Variants in CNTN4 observed in about 807,000 individuals in gnomAD.
CNTN4 encodes the protein contactin 4, also known as contactin-4.
CNTN4 carries 77 observed loss-of-function variants against 122.5 expected under a neutral mutation model. The observed-to-expected ratio is 0.63, with a 90% CI of 0.52 to 0.76. The LOEUF (loss-of-function observed/expected upper bound fraction) is 0.76, where lower values mean the gene tolerates loss of function less well. Among genes scored for constraint, CNTN4 ranks in the 30% least tolerant of loss-of-function variants. The pLI, the probability that CNTN4 is intolerant of heterozygous loss-of-function variation, is 0.00. For synonymous variants in CNTN4, 512 were observed against 447.0 expected (o/e 1.15, Z -1.83); for missense variants, 1,256 against 1,259.1 (o/e 1.00, Z 0.04).
chr3:2,707,188 C>T (rs1285225171), intron 4 of CNTN4, among the ~76,000 whole-genome samples: 1 of 151,782 alleles, frequency 6.6e-6, no homozygotes, highest in Non-Finnish European at 1.5e-5. Context: ...TGCCTGTAGT[C>T]CCAGCTACTC....
chr3:2,480,608 G>T (rs2075963555), intron 3 of CNTN4, among the ~76,000 whole-genome samples: 1 of 152,132 alleles, frequency 6.6e-6, no homozygotes, highest in Non-Finnish European at 1.5e-5. Context: ...TCTGATAAAA[G>T]AACTAAATAA....
Position 2,117,515 on chromosome 3 carries a change from T to C in CNTN4, c.-145+16876T>C, listed in dbSNP as rs192317603. Among the ~76,000 whole-genome samples, 326 of 152,330 alleles carry C rather than the reference T, an allele frequency of 2.1e-3. 2 individuals are homozygous for C. Among genetic ancestry groups the C allele is most frequent in the Middle Eastern group, 3.4e-3 (1 of 294 alleles). On this transcript the variant is annotated intron_variant, in intron 2 of 24. Coordinates refer to ENST00000418658, the MANE Select transcript of CNTN4 (RefSeq NM_175607.3). ...GATCAACCTCACCCTCAGTCCCTCT[T>C]TCCTTCCAGGAGGTTGGGGGAGGGG...
At chr3:2,944,042 T>G (rs2094646441) in intron 13 of CNTN4, among the ~76,000 whole-genome samples, 1 of 152,064 alleles carries the variant, frequency 6.6e-6, no homozygotes, top group Admixed American at 6.6e-5. Flanking sequence ...AAAATAAAAA[T>G]AAAAATCCAT....
intron 3 of CNTN4, among the ~76,000 whole-genome samples, chr3:2,464,510 G>T (rs1300063067): frequency 6.6e-6 from 1 of 152,142 alleles, no homozygotes; most frequent in African/African-American, 2.4e-5. Flanking sequence ...ATATAGATGG[G>T]GAAACAGAGG....
intron 4 of CNTN4, among the ~76,000 whole-genome samples, chr3:2,624,348 T>A (rs1363193984): frequency 1.3e-5 from 2 of 152,174 alleles, no homozygotes; most frequent in African/African-American, 2.4e-5. Context: ...TTTAAGAATT[T>A]AATTTTTAGA....
chr3:2,854,514 C>T (rs1158330976), intron 7 of CNTN4, among the ~76,000 whole-genome samples: 1 of 152,022 alleles, frequency 6.6e-6, no homozygotes, highest in Non-Finnish European at 1.5e-5. Flanking sequence ...CTCAAGTGAT[C>T]CGCCTGCCTC....
In CNTN4 at chr3:2,748,057, A is replaced by T. The variant is rs75688284; in HGVS notation, c.358+2360A>T. Reference sequence around the variant, plus strand: ...CATCTTCTTCACAACACACTCAATTATGTTAATTCATCTATTGCAGCCTTA... The same window carrying T: ...CATCTTCTTCACAACACACTCAATTTTGTTAATTCATCTATTGCAGCCTTA... On this transcript the variant is annotated intron_variant, in intron 6 of 24. Transcript: ENST00000418658. 7.7e-3 allele frequency among the ~76,000 whole-genome samples: 1,171 copies of T among 152,314 alleles called. 18 individuals carry two copies. Among genetic ancestry groups the T allele is most frequent in the African/African-American group, 0.027 (1,110 of 41,568 alleles).
At chr3:3,008,088 T>G (rs1696830200) in intron 14 of CNTN4, among the ~76,000 whole-genome samples, 1 of 152,188 alleles carries the variant, frequency 6.6e-6, no homozygotes, top group Admixed American at 6.5e-5. Flanking sequence ...TATTCAGCCA[T>G]GTAGAGAATG....
chr3:2,585,929 T>G (rs1358897349), intron 4 of CNTN4, among the ~76,000 whole-genome samples: 1 of 151,592 alleles, frequency 6.6e-6, no homozygotes, highest in East Asian at 1.9e-4. Flanking sequence ...CTAGGAATGA[T>G]GTAACTAGAA....
intron 2 of CNTN4, among the ~76,000 whole-genome samples, chr3:2,276,025 A>C (rs894937780): frequency 7.9e-5 from 12 of 151,976 alleles, no homozygotes; most frequent in African/African-American, 2.9e-4. Context: ...TGAAATTAAT[A>C]ATTTCAAAAA....
At chr3:2,774,881 G>A (rs1227492422) in intron 6 of CNTN4, among the ~76,000 whole-genome samples, 2 of 152,182 alleles carry the variant, frequency 1.3e-5, no homozygotes, top group Non-Finnish European at 2.9e-5. Flanking sequence ...TTACAAAATA[G>A]CCTGTTGTAC....
At chr3:2,161,201 C>A (rs550007642) in intron 2 of CNTN4, among the ~76,000 whole-genome samples, 2 of 151,896 alleles carry the variant, frequency 1.3e-5, no homozygotes, top group East Asian at 3.9e-4. Flanking sequence ...GTCATTGTGG[C>A]TGAAGCAAGG....
At chr3:2,651,698 TC>T (rs1206309730) in intron 4 of CNTN4, among the ~76,000 whole-genome samples, 1 of 144,910 alleles carries the variant, frequency 6.9e-6, no homozygotes, top group Non-Finnish European at 1.5e-5. Context: ...CAATTTTTTT[TC>T]TTTTTTTTCT....
intron 8 of CNTN4, among the ~76,000 whole-genome samples, chr3:2,869,172 C>T (rs2093757539): frequency 6.6e-6 from 1 of 152,054 alleles, no homozygotes. Context: ...AGCGAGAAGC[C>T]GTTAGCGAAT....
At chr3:2,756,461 C>T (rs1263726939) in intron 6 of CNTN4, among the ~76,000 whole-genome samples, 2 of 152,200 alleles carry the variant, frequency 1.3e-5, no homozygotes, top group Non-Finnish European at 2.9e-5. Flanking sequence ...TCTTGGACTT[C>T]CCAGCCTCCA....
intron 2 of CNTN4, among the ~76,000 whole-genome samples, chr3:2,134,931 T>C (rs1349922273): frequency 1.3e-5 from 2 of 152,126 alleles, no homozygotes; most frequent in Admixed American, 6.6e-5. Context: ...ATCCAAAATA[T>C]CCTCACAGAC....
rs1022031450 is a variant in CNTN4 at position 2,504,530 on chromosome 3, G to A, written c.-88-66886G>A. On this transcript the variant is annotated intron_variant, in intron 3 of 24. Coordinates refer to ENST00000418658, the MANE Select transcript of CNTN4 (RefSeq NM_175607.3). ...TTAATTATACAGATTATCAATATACGGGTATTTTCTAACCATTCTTATAAC... is the reference window on the plus strand; with the variant it reads ...TTAATTATACAGATTATCAATATACAGGTATTTTCTAACCATTCTTATAAC... Among the ~76,000 whole-genome samples the A allele has an allele frequency of 1.4e-4, 21 of 152,180 alleles. 1 individual carries two copies. Among genetic ancestry groups the A allele is most frequent in the Middle Eastern group, 6.8e-3 (2 of 294 alleles).
rs146884696 is a variant in CNTN4 at position 2,580,134 on chromosome 3, G to A, written c.55+8576G>A. 4.6e-5 allele frequency among the ~76,000 whole-genome samples: 7 copies of A among 152,242 alleles called. No individual in the cohort carries two copies. In the East Asian group the frequency reaches 1.4e-3, roughly 29 times the overall value. On this transcript the variant is annotated intron_variant, in intron 4 of 24. Transcript: ENST00000418658. ...AAGGTCTGTCTTAGTACAGGACTAA[G>A]TAACAGTTGTTATTAATATCAGTTA...
intron 4 of CNTN4, among the ~76,000 whole-genome samples, chr3:2,691,090 T>G (rs1300422462): frequency 6.6e-6 from 1 of 151,002 alleles, no homozygotes; most frequent in Non-Finnish European, 1.5e-5. Context: ...CAGTGTTTAG[T>G]TTTTATATGT....
Sources: allele counts gnomAD v4.1 joint callset (sites outside exome capture counted in the v4.1 genomes callset), GRCh38; gene constraint gnomAD v4.1.1; transcripts MANE v1.5; gene names NCBI Gene and HGNC (gene_info 2026-07-23, HGNC 2026-07-21).